MED27: variants seen among roughly 807,000 people sequenced by gnomAD.
The protein encoded by MED27 is mediator complex subunit 27, also known as mediator of RNA polymerase II transcription subunit 27.
MED27 carries 30 observed loss-of-function variants against 38.2 expected under a neutral mutation model. The observed-to-expected ratio is 0.79, with a 90% CI of 0.59 to 1.07. MED27 has a LOEUF of 1.07. MED27 is among the 50% of genes least tolerant of loss of function. MED27 has a pLI of 0.00. For synonymous variants in MED27, 122 were observed against 153.5 expected, an observed-to-expected ratio of 0.79 and a Z score of 1.52; for missense variants, 289 against 397.5, an observed-to-expected ratio of 0.73 and a Z score of 2.32.
intron 4 of MED27, among the ~76,000 whole-genome samples, chr9:131,898,745 C>G (rs761529649): frequency 6.6e-6 from 1 of 152,026 alleles, no homozygotes; most frequent in Middle Eastern, 3.4e-3. Flanking sequence ...CCACCACGCC[C>G]GGCTAATTTT....
rs1221951923 is a variant in MED27, at chr9:131,884,320, G to A, written c.682-221C>T. Among the ~76,000 whole-genome samples the A allele has an allele frequency of 2.0e-5, 3 of 152,342 alleles. No individual in the cohort carries two copies. The East Asian group carries it at 5.8e-4, about 29-fold the overall frequency. On this transcript the variant is annotated intron_variant, in intron 5 of 7. Coordinates refer to ENST00000292035, the MANE Select transcript of MED27 (RefSeq NM_004269.4). Reference sequence around the variant, plus strand: ...AAAAGTCAATGAAGGAATACAGCAAGTCACCTTGAGGCACCTGCTGCTTCC... The same window carrying A: ...AAAAGTCAATGAAGGAATACAGCAAATCACCTTGAGGCACCTGCTGCTTCC...
intron 3 of MED27, among the ~76,000 whole-genome samples, chr9:132,009,109 T>C (rs950350383): frequency 1.3e-5 from 2 of 152,148 alleles, no homozygotes; most frequent in African/African-American, 2.4e-5. Flanking sequence ...TGCTCCTTGT[T>C]TGCTCCTATC....
At chr9:132,012,866 C>A (rs1832514121) in intron 3 of MED27, among the ~76,000 whole-genome samples, 2 of 152,114 alleles carry the variant, frequency 1.3e-5, no homozygotes, top group Admixed American at 1.3e-4. Context: ...ATCCTTGGGG[C>A]CTAGAAACAT....
intron 4 of MED27, among the ~76,000 whole-genome samples, chr9:131,897,811 G>A (rs1195782234): frequency 6.6e-6 from 1 of 152,152 alleles, no homozygotes; most frequent in East Asian, 1.9e-4. Context: ...GCAGGGAAGG[G>A]GTTTGTTGGA....
chr9:132,022,854 G>A (rs781456805), intron 2 of MED27, among the ~76,000 whole-genome samples: 2 of 152,158 alleles, frequency 1.3e-5, no homozygotes, highest in Admixed American at 1.3e-4. Flanking sequence ...ACGTAAAACC[G>A]TCAGATCTCA....
At chr9:132,053,794 G>C (rs1480986742) in intron 2 of MED27, among the ~76,000 whole-genome samples, 2 of 152,242 alleles carry the variant, frequency 1.3e-5, no homozygotes, top group African/African-American at 4.8e-5. Context: ...GTTCCCCAAA[G>C]CGTGGAGTGT....
At chr9:132,018,737 C>A (rs1199218975) in intron 2 of MED27, among the ~76,000 whole-genome samples, 2 of 152,138 alleles carry the variant, frequency 1.3e-5, no homozygotes, top group Admixed American at 1.3e-4. Flanking sequence ...TGGCCCGAAT[C>A]CCACTTTAAG....
At chr9:131,960,991 T>C (rs1161688573) in intron 3 of MED27, among the ~76,000 whole-genome samples, 1 of 152,204 alleles carries the variant, frequency 6.6e-6, no homozygotes, top group African/African-American at 2.4e-5. Context: ...AATGACCGCC[T>C]GTAGAGGCAT....
chr9:131,899,249 T>C (rs1168933950), intron 4 of MED27, among the ~76,000 whole-genome samples: 1 of 152,200 alleles, frequency 6.6e-6, no homozygotes, highest in Non-Finnish European at 1.5e-5. Context: ...CTGGTCCTTA[T>C]GTTAATTTTC....
intron 3 of MED27, among the ~76,000 whole-genome samples, chr9:132,004,135 G>A (rs940701720): frequency 1.3e-5 from 2 of 152,294 alleles, no homozygotes; most frequent in African/African-American, 2.4e-5. Context: ...CAGTTCTCCT[G>A]TCCGCCTAAA....
chr9:131,900,780 A>T (rs948352806), intron 4 of MED27, among the ~76,000 whole-genome samples: 12 of 152,070 alleles, frequency 7.9e-5, no homozygotes, highest in African/African-American at 2.7e-4. Context: ...AAAAAGAATT[A>T]AAAAGAAGCC....
In MED27 at chr9:131,982,230, C is replaced by T. The variant is rs1392707640; in HGVS notation, c.479+32107G>A. 1.3e-5 allele frequency among the ~76,000 whole-genome samples: 2 copies of T among 152,212 alleles called. No homozygotes were observed. The highest frequency in any genetic ancestry group is 2.1e-4 in the South Asian group (1 of 4,824). Reference sequence around the variant, plus strand: ...AGGCCTAAGCCCCAAGAATGCTTGGCAGCTTTTGCTTTCGCACTCTTGGGA... The same window carrying T: ...AGGCCTAAGCCCCAAGAATGCTTGGTAGCTTTTGCTTTCGCACTCTTGGGA... On this transcript the variant is annotated intron_variant, in intron 3 of 7. Transcript: ENST00000292035. This position sits in a 1 kb window ranked among gnomAD's most constrained non-coding sequence, Gnocchi z 4.3.
rs1202978374 is a variant in MED27 at position 131,861,286 on chromosome 9, G to A, written c.802-614C>T. 1.3e-5 allele frequency among the ~76,000 whole-genome samples: 2 copies of A among 152,108 alleles called. No individual in the cohort carries two copies. The highest frequency in any genetic ancestry group is 4.8e-5 in the African/African-American group (2 of 41,398). ...TTCAGAGTGCAGAGCTTTCTTGGGC[G>A]TCATACATAAGGATGAGCCTCCCGT... On this transcript the variant is annotated intron_variant, in intron 7 of 7. Transcript: ENST00000292035. The surrounding 1 kb of genome is among the most constrained non-coding windows in gnomAD (Gnocchi z 4.4).
At chr9:131,996,228 T>C (rs1832087207) in intron 3 of MED27, among the ~76,000 whole-genome samples, 1 of 152,188 alleles carries the variant, frequency 6.6e-6, no homozygotes, top group Non-Finnish European at 1.5e-5. Context: ...GAGACAAATA[T>C]TGTGGAGCCT....
At chr9:131,943,529 C>A (rs1024206862) in intron 3 of MED27, among the ~76,000 whole-genome samples, 4 of 152,110 alleles carry the variant, frequency 2.6e-5, no homozygotes, top group Non-Finnish European at 5.9e-5. Context: ...ACAGTGTGCT[C>A]CCCTCCTACA....
At chr9:132,042,552 T>A (rs551836928) in intron 2 of MED27, among the ~76,000 whole-genome samples, 1 of 152,078 alleles carries the variant, frequency 6.6e-6, no homozygotes, top group Non-Finnish European at 1.5e-5. Context: ...TTATCCACAG[T>A]CTAGTGGCCA....
At chr9:131,951,211 C>G (rs567483723) in intron 3 of MED27, among the ~76,000 whole-genome samples, 8 of 152,236 alleles carry the variant, frequency 5.3e-5, no homozygotes, top group Non-Finnish European at 1.2e-4. Context: ...AGTAGAGAAG[C>G]CTTCTCCAAG....
intron 3 of MED27, among the ~76,000 whole-genome samples, chr9:131,988,889 G>A (rs1589252163): frequency 1.3e-5 from 2 of 151,554 alleles, no homozygotes; most frequent in Admixed American, 6.6e-5. Flanking sequence ...TGGCTGCGCC[G>A]AGGGTGAACA....
At chr9:131,900,231 C>A (rs921974815) in intron 4 of MED27, among the ~76,000 whole-genome samples, 1 of 152,218 alleles carries the variant, frequency 6.6e-6, no homozygotes, top group African/African-American at 2.4e-5. Context: ...CCTAGCCCCC[C>A]CATCAGGTCA....
Sources: allele counts gnomAD v4.1 joint callset (sites outside exome capture counted in the v4.1 genomes callset), GRCh38; gene constraint gnomAD v4.1.1; non-coding constraint Gnocchi (gnomAD v3.1); transcripts MANE v1.5; gene names NCBI Gene and HGNC (gene_info 2026-07-23, HGNC 2026-07-21).